NDUFS4: variants seen among roughly 807,000 people sequenced by gnomAD.
The protein encoded by NDUFS4 is NADH dehydrogenase [ubiquinone] iron-sulfur protein 4, mitochondrial.
NDUFS4 carries 28 observed loss-of-function variants against 24.3 expected under a neutral mutation model. The ratio of observed to expected loss-of-function variants is 1.15; its 90% confidence interval spans 0.85 to 1.58. The LOEUF is 1.58. Ranked by LOEUF, NDUFS4 falls within the 40% of genes most tolerant of loss-of-function variation. NDUFS4 has a pLI of 0.00. For missense variants in NDUFS4, 223 were observed against 207.9 expected (o/e 1.07, Z -0.45); for synonymous variants, 93 against 69.7 (o/e 1.34, Z -1.67).
At chr5:53,616,167 GTC>G (rs1385294460) in intron 2 of NDUFS4, among the ~76,000 whole-genome samples, 4 of 151,224 alleles carry the variant, frequency 2.6e-5, no homozygotes, top group Non-Finnish European at 5.9e-5. Flanking sequence ...TTTTTTACTT[GTC>G]TCTTATTTAT....
intron 1 of NDUFS4, 76 bp downstream of exon 1, chr5:53,560,836 C>G: frequency 6.2e-7 from 1 of 1,605,650 alleles, no homozygotes; most frequent in Non-Finnish European, 8.5e-7. Flanking sequence ...GGCTGAGTTC[C>G]GGAGGAGGCC....
chr5:53,641,979 G>A (rs365578), intron 2 of NDUFS4, among the ~76,000 whole-genome samples: 1 of 151,910 alleles, frequency 6.6e-6, no homozygotes, highest in African/African-American at 2.4e-5. Context: ...TACTAAAACT[G>A]TTCAGCATTG....
chr5:53,566,122 G>A (rs761967392), intron 1 of NDUFS4, among the ~76,000 whole-genome samples: 16 of 152,160 alleles, frequency 1.1e-4, no homozygotes, highest in South Asian at 2.1e-4. Flanking sequence ...GCAGTGAGCC[G>A]AGATCGCACC....
chr5:53,622,387 T>C (rs1751074146), intron 2 of NDUFS4, among the ~76,000 whole-genome samples: 1 of 152,136 alleles, frequency 6.6e-6, no homozygotes, highest in African/African-American at 2.4e-5. Context: ...AGCATGGTCG[T>C]TTCTGTTGAG....
chr5:53,683,167 G>A lies in NDUFS4; in HGVS notation c.474G>A (p.Lys158=), dbSNP rs1221691938. Residue 158 remains lysine (K), a synonymous_variant, in exon 5 of 5, where the codon AAG becomes AAA. Transcript: ENST00000296684. The stretch of plus-strand genomic sequence containing the variant: ...GGAAGGTTCCAAAACCCAAGTCCAA[G>A]TCTTATGGTGCAAACTTTTCTTGGA... ...EERKVPKPKS[K]SYGANFSWNK... 6.2e-7 allele frequency: 1 copy of A among 1,612,724 alleles called. No individual in the cohort carries two copies. Among genetic ancestry groups the A allele is most frequent in the Non-Finnish European group, 8.5e-7 (1 of 1,179,062 alleles).
At chr5:53,612,184 T>C (rs1336640824) in intron 2 of NDUFS4, among the ~76,000 whole-genome samples, 3 of 152,142 alleles carry the variant, frequency 2.0e-5, no homozygotes, top group Admixed American at 6.5e-5. Flanking sequence ...CTGCTATCTC[T>C]CCTTCATTCT....
chr5:53,616,506 A>C (rs1181726456), intron 2 of NDUFS4, among the ~76,000 whole-genome samples: 3 of 152,132 alleles, frequency 2.0e-5, no homozygotes, highest in Non-Finnish European at 2.9e-5. Context: ...GATGAGAAAG[A>C]AGCAGCTGTG....
intron 2 of NDUFS4, among the ~76,000 whole-genome samples, chr5:53,618,591 G>A (rs2112475154): frequency 6.6e-6 from 1 of 152,108 alleles, no homozygotes; most frequent in South Asian, 2.1e-4. Context: ...AACAGCCTGT[G>A]GCACTAATAT....
intron 4 of NDUFS4, among the ~76,000 whole-genome samples, chr5:53,673,204 T>C (rs1396347260): frequency 6.6e-6 from 1 of 152,174 alleles, no homozygotes; most frequent in East Asian, 1.9e-4. Flanking sequence ...ACATCTTTTC[T>C]GCATTGACAA....
At position 53,670,566 on chromosome 5, in the gene NDUFS4, C is replaced by A. The variant is rs988938552; in HGVS notation, c.424+11942C>A. Among the ~76,000 whole-genome samples, 9 of 151,442 alleles carry A rather than the reference C, an allele frequency of 5.9e-5. No individual in the cohort carries two copies. In the Middle Eastern group the frequency reaches 0.01, roughly 177 times the overall value. On this transcript the variant is annotated intron_variant, in intron 4 of 4. Transcript: ENST00000296684. ...GTGGCTACTAGAAACTTATGTATGGCTCACATATTTCTACTGAACAGCACT... is the reference window on the plus strand; with the variant it reads ...GTGGCTACTAGAAACTTATGTATGGATCACATATTTCTACTGAACAGCACT...
At chr5:53,641,796 A>C (rs1225772124) in intron 2 of NDUFS4, among the ~76,000 whole-genome samples, 1 of 152,138 alleles carries the variant, frequency 6.6e-6, no homozygotes, top group African/African-American at 2.4e-5. Flanking sequence ...GGTTAGTTGA[A>C]AGAAAGTTTT....
chr5:53,586,577 C>A (rs1218398732), intron 1 of NDUFS4, among the ~76,000 whole-genome samples: 2 of 152,128 alleles, frequency 1.3e-5, no homozygotes, highest in African/African-American at 4.8e-5. Context: ...GGCTGGAGTG[C>A]AGTGGCGCAA....
chr5:53,574,053 G>A (rs1286227077), intron 1 of NDUFS4, among the ~76,000 whole-genome samples: 4 of 152,128 alleles, frequency 2.6e-5, no homozygotes, highest in African/African-American at 9.7e-5. Context: ...CATGCAGTCC[G>A]TGAATAGGGA....
chr5:53,638,417 T>C (rs923801138), intron 2 of NDUFS4, among the ~76,000 whole-genome samples: 3 of 152,018 alleles, frequency 2.0e-5, no homozygotes, highest in Non-Finnish European at 4.4e-5. Context: ...TAGGGCACTG[T>C]GAAATATTAC....
intron 2 of NDUFS4, among the ~76,000 whole-genome samples, chr5:53,608,384 C>G (rs1398855335): frequency 6.6e-6 from 1 of 152,176 alleles, no homozygotes; most frequent in Non-Finnish European, 1.5e-5. Context: ...CTCTGACACA[C>G]TGATTGACCC....
chr5:53,582,802 C>G (rs1245704523), intron 1 of NDUFS4, among the ~76,000 whole-genome samples: 1 of 152,170 alleles, frequency 6.6e-6, no homozygotes, highest in Non-Finnish European at 1.5e-5. Flanking sequence ...GTAATAGATA[C>G]TTCATATAAT....
At chr5:53,569,780 T>C (rs1749151753) in intron 1 of NDUFS4, among the ~76,000 whole-genome samples, 1 of 152,150 alleles carries the variant, frequency 6.6e-6, no homozygotes, top group Non-Finnish European at 1.5e-5. Context: ...GCACGTCCAG[T>C]TTGTTTACTC....
At chr5:53,664,737 T>A (rs1455686916) in intron 4 of NDUFS4, among the ~76,000 whole-genome samples, 1 of 152,122 alleles carries the variant, frequency 6.6e-6, no homozygotes, top group African/African-American at 2.4e-5. Flanking sequence ...TTTGTCTAAT[T>A]TTTTTTCAAG....
At chr5:53,643,736 C>A (rs976001034) in intron 2 of NDUFS4, among the ~76,000 whole-genome samples, 3 of 151,954 alleles carry the variant, frequency 2.0e-5, no homozygotes, top group African/African-American at 7.3e-5. Flanking sequence ...GCCTCTGTAC[C>A]CTTTAGGTGT....
Sources: gnomAD v4.1 joint callset for allele counts (sites outside exome capture counted in the v4.1 genomes callset) on GRCh38, gnomAD v4.1.1 for gene constraint, MANE v1.5 for transcripts, NCBI Gene and HGNC (gene_info 2026-07-23, HGNC 2026-07-21) for gene names.